The following HTR2B variants were observed in gnomAD, a reference collection of about 807,000 sequenced individuals.
HTR2B encodes the protein 5-hydroxytryptamine receptor 2B.
HTR2B carries 31 observed loss-of-function variants against 39.8 expected under a neutral mutation model. The observed-to-expected ratio is 0.78, with a 90% CI of 0.58 to 1.05. The LOEUF is 1.05. Ranked by LOEUF, HTR2B falls within the 50% of genes least tolerant of loss-of-function variation. The probability of loss-of-function intolerance (pLI) is 0.00; values close to 1 mark genes in which losing one functional copy is unlikely to be tolerated. For synonymous variants in HTR2B, 210 were observed against 207.1 expected (o/e 1.01, Z -0.12); for missense variants, 562 against 578.0 (o/e 0.97, Z 0.28).
At chr2:231,123,299 A>G (rs893080539) in intron 2 of HTR2B, 114 bp downstream of exon 2, 15 of 814,368 alleles carry the variant, frequency 1.8e-5, no homozygotes, top group Non-Finnish European at 2.7e-5. Flanking sequence ...GTATCTTTAA[A>G]TAGTCCAAGT....
intron 3 of HTR2B, among the ~76,000 whole-genome samples, chr2:231,111,274 C>T (rs1338159542): frequency 6.6e-6 from 1 of 152,188 alleles, no homozygotes; most frequent in African/African-American, 2.4e-5. Context: ...TAATACTTCC[C>T]TTCCTTGTCC....
intron 3 of HTR2B, among the ~76,000 whole-genome samples, chr2:231,111,168 A>G (rs1695144883): frequency 1.3e-5 from 2 of 152,046 alleles, no homozygotes; most frequent in Non-Finnish European, 2.9e-5. Flanking sequence ...TAAGACCTTA[A>G]TTTTATATTT....
rs1695023480 is a variant in HTR2B at position 231,108,260 on chromosome 2, G to T, written c.*257C>A. On this transcript the variant is annotated 3_prime_UTR_variant, in exon 4 of 4. Coordinates refer to ENST00000258400, the MANE Select transcript of HTR2B (RefSeq NM_000867.5). ...TTTAAAGCCTGAAATTTATTGATTT[G>T]ACTTTATTTCATTCGAATACCTTAA... The T allele has an allele frequency of 2.8e-6, 1 of 361,396 alleles. No individual in the cohort carries two copies. The allele number at this position is 361,396 out of a possible 1,614,324, so 22.4% of individuals were successfully genotyped here. A position where few individuals can be genotyped will look rare whatever the true frequency, so the allele number is the denominator to read the frequency against.
chr2:231,118,409 G>A (rs1695417483), intron 2 of HTR2B, among the ~76,000 whole-genome samples: 2 of 152,054 alleles, frequency 1.3e-5, no homozygotes, highest in South Asian at 2.1e-4. Flanking sequence ...TGTACTTTCC[G>A]GGGGTGAGGG....
chr2:231,115,833 AGAT>A (rs1231649536), intron 2 of HTR2B, among the ~76,000 whole-genome samples: 1 of 152,172 alleles, frequency 6.6e-6, no homozygotes, highest in East Asian at 1.9e-4. Flanking sequence ...CTGGGTACTT[AGAT>A]ATGCAGGCTC....
chr2:231,113,183 CA>C (rs1559235820), intron 3 of HTR2B, among the ~76,000 whole-genome samples: 2 of 151,794 alleles, frequency 1.3e-5, no homozygotes, highest in Non-Finnish European at 2.9e-5. Context: ...AAAAACAAAC[CA>C]AAAAAACCCA....
At chr2:231,112,899 T>C (rs1240050008) in intron 3 of HTR2B, among the ~76,000 whole-genome samples, 1 of 152,190 alleles carries the variant, frequency 6.6e-6, no homozygotes, top group African/African-American at 2.4e-5. Flanking sequence ...GTGCAGTGAC[T>C]CACGCCTGTA....
At position 231,109,204 on chromosome 2, in the gene HTR2B, G is replaced by A; in HGVS notation, c.759C>T (p.Asn253=). The A allele has an allele frequency of 6.2e-7, 1 of 1,614,188 alleles. No individual in the cohort carries two copies. Among genetic ancestry groups the A allele is most frequent in the African/African-American group, 1.3e-5 (1 of 75,048 alleles). The change falls in exon 4 of 4, where the codon AAC becomes AAT. Residue 253 remains asparagine, a synonymous_variant. Transcript: ENST00000258400. ...ALQKKAYLVK[N]KPPQRLTWLT... ...ACCATGTTAGGCGTTGAGGTGGCTT[G>A]TTTTTGACTAAGTAAGCCTTCTTCT...
intron 2 of HTR2B, among the ~76,000 whole-genome samples, chr2:231,114,156 T>C (rs1449883538): frequency 6.6e-6 from 1 of 152,238 alleles, no homozygotes; most frequent in Non-Finnish European, 1.5e-5. Flanking sequence ...AATTGTGCCT[T>C]TTTTCTAAGT....
At chr2:231,109,784 A>G (rs1695092841) in intron 3 of HTR2B, among the ~76,000 whole-genome samples, 1 of 152,142 alleles carries the variant, frequency 6.6e-6, no homozygotes, top group South Asian at 2.1e-4. Context: ...CTTTTTTCTT[A>G]TTATCCAGTG....
At chr2:231,109,668 C>G (rs1695089346) in intron 3 of HTR2B, among the ~76,000 whole-genome samples, 1 of 152,180 alleles carries the variant, frequency 6.6e-6, no homozygotes, top group Non-Finnish European at 1.5e-5. Flanking sequence ...TATAGTATAT[C>G]CATGATACAG....
chr2:231,110,003 T>G (rs1695100371), intron 3 of HTR2B, among the ~76,000 whole-genome samples: 1 of 152,190 alleles, frequency 6.6e-6, no homozygotes, highest in South Asian at 2.1e-4. Flanking sequence ...GTTGAAAGAT[T>G]ATGAGTTCTT....
At chr2:231,121,245 G>A (rs996455614) in intron 2 of HTR2B, among the ~76,000 whole-genome samples, 23 of 152,228 alleles carry the variant, frequency 1.5e-4, no homozygotes, top group African/African-American at 5.5e-4. Flanking sequence ...TAACAAACAT[G>A]AGCCAGGCAT....
At chr2:231,114,739 G>A (rs950416413) in intron 2 of HTR2B, among the ~76,000 whole-genome samples, 2 of 152,286 alleles carry the variant, frequency 1.3e-5, no homozygotes, top group African/African-American at 4.8e-5. Context: ...AATTTTAGGT[G>A]TGGATGTGAT....
chr2:231,120,362 T>C (rs531990268), intron 2 of HTR2B, among the ~76,000 whole-genome samples: 1 of 152,356 alleles, frequency 6.6e-6, no homozygotes, highest in African/African-American at 2.4e-5. Context: ...GTTTTCTTGC[T>C]CAAGTATTTC....
chr2:231,109,101 G>A lies in HTR2B; in HGVS notation c.862C>T (p.Arg288Ter), dbSNP rs775934590. 35 of 1,614,036 alleles carry A rather than the reference G, an allele frequency of 2.2e-5. No individual in the cohort carries two copies. Among genetic ancestry groups the A allele is most frequent in the African/African-American group, 9.3e-5 (7 of 74,928 alleles). Residue 288 changes from arginine to a stop codon, truncating the protein, a stop_gained, in exon 4 of 4, where the codon CGA becomes TGA. Coordinates refer to ENST00000258400, the MANE Select transcript of HTR2B (RefSeq NM_000867.5). LOFTEE classifies it high-confidence loss of function. ...PEKVAMLDGSRKDKALPNSGD... is the reference protein window; with the variant it reads ...PEKVAMLDGS ...GAGTTGGGCAGAGCCTTGTCCTTTCGAGAACCATCCAGCATTGCCACCTTT... is the reference window on the plus strand; with the variant it reads ...GAGTTGGGCAGAGCCTTGTCCTTTCAAGAACCATCCAGCATTGCCACCTTT...
At position 231,108,318 on chromosome 2, in the gene HTR2B, G is replaced by C. The variant is rs989059920; in HGVS notation, c.*199C>G. On this transcript the variant is annotated 3_prime_UTR_variant, in exon 4 of 4. Coordinates refer to ENST00000258400, the MANE Select transcript of HTR2B (RefSeq NM_000867.5). The stretch of plus-strand genomic sequence containing the variant: ...CCAGAGTGCTGGATTGTTTTCATTT[G>C]TAGCTATATAAAATTATTTTCCTCA... 2 of 536,108 alleles carry C rather than the reference G, an allele frequency of 3.7e-6. No individual in the cohort carries two copies. The highest frequency in any genetic ancestry group is 3.3e-6 in the Non-Finnish European group (1 of 304,578). 33.2% of individuals were successfully genotyped at this position (536,108 alleles called of 1,614,324 possible). A position where few individuals can be genotyped will look rare whatever the true frequency, so the allele number is the denominator to read the frequency against.
In HTR2B at chr2:231,109,099, T is replaced by C. The variant is rs746711881; in HGVS notation, c.864A>G (p.Arg288=). The C allele has an allele frequency of 4.3e-6, 7 of 1,614,076 alleles. No homozygotes were observed. Among genetic ancestry groups the C allele is most frequent in the Non-Finnish European group, 5.9e-6 (7 of 1,180,022 alleles). The part of the protein sequence containing the change: ...PEKVAMLDGS[R]KDKALPNSGD... ...CTGAGTTGGGCAGAGCCTTGTCCTT[T>C]CGAGAACCATCCAGCATTGCCACCT... Residue 288 remains arginine (R), a synonymous_variant, in exon 4 of 4, where the codon CGA becomes CGG. Transcript: ENST00000258400.
rs1324620360 is a variant in HTR2B, at chr2:231,123,402, GAAAT to G, written c.352+7_352+10del. 1 of 1,595,856 alleles carries G rather than the reference GAAAT, an allele frequency of 6.3e-7. No homozygotes were observed. The highest frequency in any genetic ancestry group is 1.7e-5 in the Admixed American group (1 of 59,958). ...TGTGGTTTGATGGCACAAACAAAGT[GAAAT>G]ACTTACCAAACATTATTGTCAAGAG... On this transcript the variant is annotated splice_region_variant and intron_variant, in intron 2 of 3. Coordinates refer to ENST00000258400, the MANE Select transcript of HTR2B (RefSeq NM_000867.5).
Sources: allele counts gnomAD v4.1 joint callset (sites outside exome capture counted in the v4.1 genomes callset), GRCh38; gene constraint gnomAD v4.1.1; transcripts MANE v1.5; gene names NCBI Gene and HGNC (gene_info 2026-07-23, HGNC 2026-07-21).